The following TICAM1 variants were observed in gnomAD, a reference collection of about 807,000 sequenced individuals.
TICAM1 encodes the protein TIR domain containing adaptor molecule 1, also known as TIR domain-containing adapter molecule 1.
For missense variants in TICAM1, 895 were observed against 938.2 expected (o/e 0.95, Z 0.60); for synonymous variants, 439 against 415.4 (o/e 1.06, Z -0.69).
In TICAM1 at chr19:4,816,945, G is replaced by A. The variant is rs1377448921; in HGVS notation, c.1433C>T (p.Thr478Met). 3.7e-6 allele frequency: 6 copies of A among 1,614,024 alleles called. No individual in the cohort carries two copies. Among genetic ancestry groups the A allele is most frequent in the Non-Finnish European group, 5.1e-6 (6 of 1,180,040 alleles). Residue 478 changes from threonine to methionine, a missense_variant, in exon 2 of 2, where the codon ACG (threonine) becomes ATG (methionine). Coordinates refer to ENST00000248244, the MANE Select transcript of TICAM1 (RefSeq NM_182919.4). This position sits in a 1 kb window ranked among gnomAD's most constrained non-coding sequence, Gnocchi z 4.3. ...GACACAGTCTGGCGACCCCTGTCGC[G>A]TGAGGTTGCTCATCATGGCTTGGTT... is the stretch of plus-strand genomic sequence containing the variant. ...QVNQAMMSNL[T>M]RQGSPDCVIP...
At chr19:4,829,013 T>G (rs1489415776) in intron 1 of TICAM1, among the ~76,000 whole-genome samples, 1 of 152,100 alleles carries the variant, frequency 6.6e-6, no homozygotes, top group Non-Finnish European at 1.5e-5. Context: ...TTTTGTAATT[T>G]TAGTAGAGAC....
At position 4,818,486 on chromosome 19, in the gene TICAM1, T is replaced by C. The variant is rs2093591901; in HGVS notation, c.-109A>G. 6.9e-7 allele frequency: 1 copy of C among 1,444,678 alleles called. No homozygotes were observed. Among genetic ancestry groups the C allele is most frequent in the African/African-American group, 1.4e-5 (1 of 69,614 alleles). 89.5% of individuals were successfully genotyped at this position (1,444,678 alleles called of 1,614,324 possible). Reference sequence around the variant, plus strand: ...CCAGTGTCCCCTACCCATTCACTGTTCCAGGTTCTGCAGGAGCTGCCCAAG... The same window carrying C: ...CCAGTGTCCCCTACCCATTCACTGTCCCAGGTTCTGCAGGAGCTGCCCAAG... On this transcript the variant is annotated 5_prime_UTR_variant, in exon 2 of 2. Coordinates refer to ENST00000248244, the MANE Select transcript of TICAM1 (RefSeq NM_182919.4). The surrounding 1 kb of genome is among the most constrained non-coding windows in gnomAD (Gnocchi z 4.0).
intron 1 of TICAM1, among the ~76,000 whole-genome samples, chr19:4,827,749 C>T (rs932190995): frequency 2.8e-5 from 4 of 141,600 alleles, no homozygotes; most frequent in Admixed American, 2.2e-4. Flanking sequence ...CAGAGTGAGA[C>T]TCCATCTCAA....
chr19:4,816,780 A>G lies in TICAM1; in HGVS notation c.1598T>C (p.Leu533Pro). The G allele has an allele frequency of 1.2e-6, 2 of 1,613,562 alleles. No individual in the cohort carries two copies. Among genetic ancestry groups the G allele is most frequent in the Non-Finnish European group, 1.7e-6 (2 of 1,180,020 alleles). Residue 533 changes from leucine (L) to proline (P), a missense_variant, in exon 2 of 2, where the codon CTT (leucine) becomes CCT (proline). Physicochemically the swap from Leu to Pro is moderately conservative, Grantham distance 98. Coordinates refer to ENST00000248244, the MANE Select transcript of TICAM1 (RefSeq NM_182919.4). The surrounding 1 kb of genome is among the most constrained non-coding windows in gnomAD (Gnocchi z 4.3). ...CCTCCACATGGCCTTTCGGGCCTGAAGCCTGTGGGGCTTGAAGGTGTTGGC... is the reference window on the plus strand; with the variant it reads ...CCTCCACATGGCCTTTCGGGCCTGAGGCCTGTGGGGCTTGAAGGTGTTGGC... ...KVANTFKPHR[L>P]QARKAMWRKE...
intron 1 of TICAM1, among the ~76,000 whole-genome samples, chr19:4,822,858 G>A (rs1000946996): frequency 2.6e-5 from 4 of 152,144 alleles, no homozygotes; most frequent in African/African-American, 9.7e-5. Flanking sequence ...CTTTTAATTA[G>A]TATGGGGTAT....
intron 1 of TICAM1, among the ~76,000 whole-genome samples, chr19:4,830,624 C>T (rs2093612390): frequency 6.6e-6 from 1 of 152,196 alleles, no homozygotes; most frequent in Non-Finnish European, 1.5e-5. Flanking sequence ...TCTACCCTCA[C>T]AGAGCTCCCA....
chr19:4,821,722 G>A (rs955160603), intron 1 of TICAM1, among the ~76,000 whole-genome samples: 52 of 148,834 alleles, frequency 3.5e-4, no homozygotes, highest in Non-Finnish European at 4.7e-4. Context: ...TCGGCTCACC[G>A]CAACCTCCGC....
intron 1 of TICAM1, among the ~76,000 whole-genome samples, chr19:4,830,180 C>G (rs563332963): frequency 6.6e-6 from 1 of 150,806 alleles, no homozygotes; most frequent in African/African-American, 2.5e-5. Flanking sequence ...CTTGAACTCC[C>G]GGGTTCAAGT....
chr19:4,822,964 A>T (rs1374893724), intron 1 of TICAM1, among the ~76,000 whole-genome samples: 1 of 152,130 alleles, frequency 6.6e-6, no homozygotes, highest in Non-Finnish European at 1.5e-5. Flanking sequence ...TTTAGAGAAA[A>T]GGCCTTTTTT....
chr19:4,830,799 G>C (rs2093612592), intron 1 of TICAM1, among the ~76,000 whole-genome samples: 1 of 152,234 alleles, frequency 6.6e-6, no homozygotes, highest in Non-Finnish European at 1.5e-5. Flanking sequence ...TTTGGGGACA[G>C]GAGGTAACAT....
chr19:4,826,281 A>G (rs891904566), intron 1 of TICAM1, among the ~76,000 whole-genome samples: 1 of 149,982 alleles, frequency 6.7e-6, no homozygotes, highest in East Asian at 1.9e-4. Flanking sequence ...TACATATTGG[A>G]TTAATAAAAT....
intron 1 of TICAM1, among the ~76,000 whole-genome samples, chr19:4,828,956 C>G (rs2093609865): frequency 4.6e-5 from 7 of 151,988 alleles, no homozygotes. Context: ...CTGCCTTGGC[C>G]TCCAAAATTC....
intron 1 of TICAM1, among the ~76,000 whole-genome samples, chr19:4,820,295 C>T (rs1181469086): frequency 6.6e-6 from 1 of 151,346 alleles, no homozygotes; most frequent in Non-Finnish European, 1.5e-5. Context: ...TGGCAGGCGC[C>T]TGTAATCCCA....
chr19:4,820,982 A>T (rs1369091180), intron 1 of TICAM1, among the ~76,000 whole-genome samples: 2 of 150,270 alleles, frequency 1.3e-5, no homozygotes, highest in African/African-American at 2.5e-5. Context: ...ATTTGAGGTC[A>T]TGAGTTCAAG....
rs1480788600 is a variant in TICAM1, at chr19:4,817,860, G to A, written c.518C>T (p.Ser173Phe). Reference sequence around the variant, plus strand: ...GGGGCGTGGGAGGCTCCTGGTCCCAGAGGGCAAAGCCGAGGATGGTGGGAG... The same window carrying A: ...GGGGCGTGGGAGGCTCCTGGTCCCAAAGGGCAAAGCCGAGGATGGTGGGAG... ...GCLPPSSALPSGTRSLPRPID... is the reference protein window; with the variant it reads ...GCLPPSSALPFGTRSLPRPID... Residue 173 changes from serine to phenylalanine, a missense_variant, in exon 2 of 2, where the codon TCT becomes TTT. Ser to Phe is a radical substitution (Grantham distance 155). Transcript: ENST00000248244. The surrounding 1 kb of genome is among the most constrained non-coding windows in gnomAD (Gnocchi z 4.7). 6.2e-7 allele frequency: 1 copy of A among 1,612,950 alleles called. No homozygotes were observed. The highest frequency in any genetic ancestry group is 8.5e-7 in the Non-Finnish European group (1 of 1,179,714).
At chr19:4,827,208 G>T (rs1194734870) in intron 1 of TICAM1, among the ~76,000 whole-genome samples, 1 of 150,394 alleles carries the variant, frequency 6.6e-6, no homozygotes, top group African/African-American at 2.4e-5. Flanking sequence ...AAAATTAGCC[G>T]GGCATGGTGG....
chr19:4,817,669 T>C lies in TICAM1; in HGVS notation c.709A>G (p.Ser237Gly), dbSNP rs780633461. Residue 237 changes from serine (S) to glycine (G), a missense_variant, in exon 2 of 2, where the codon AGC becomes GGC. Physicochemically the swap from Ser to Gly is moderately conservative, Grantham distance 56. Coordinates refer to ENST00000248244, the MANE Select transcript of TICAM1 (RefSeq NM_182919.4). This position sits in a 1 kb window ranked among gnomAD's most constrained non-coding sequence, Gnocchi z 4.7. ...CCGGGGACAGGCTCGGGCACCAAGC[T>C]GGCCTGGGGGTCGTCACAGAGCTTG... is the stretch of plus-strand genomic sequence containing the variant. ...PSKLCDDPQA[S>G]LVPEPVPGGC... 1.9e-6 allele frequency: 3 copies of C among 1,583,068 alleles called. No homozygotes were observed. The South Asian group carries it at 3.5e-5, about 18-fold the overall frequency.
intron 1 of TICAM1, among the ~76,000 whole-genome samples, chr19:4,827,481 C>T (rs920272721): frequency 1.7e-4 from 23 of 133,102 alleles, no homozygotes; most frequent in Admixed American, 9.4e-4. Context: ...ATGGGCTGGG[C>T]GCGGTGGCTC....
Position 4,818,414 on chromosome 19 carries a change from G to A in TICAM1, c.-37C>T, listed in dbSNP as rs768287017. The A allele has an allele frequency of 9.1e-6, 14 of 1,540,626 alleles. No homozygotes were observed. The South Asian group carries it at 1.6e-4, about 18-fold the overall frequency. ...GGTGCAGCCTCCGGCAGCAGAAGCTGGAGGTGGTGAAGGCATGTTCCACAC... is the reference window on the plus strand; with the variant it reads ...GGTGCAGCCTCCGGCAGCAGAAGCTAGAGGTGGTGAAGGCATGTTCCACAC... On this transcript the variant is annotated 5_prime_UTR_variant, in exon 2 of 2. Coordinates refer to ENST00000248244, the MANE Select transcript of TICAM1 (RefSeq NM_182919.4). The surrounding 1 kb of genome is among the most constrained non-coding windows in gnomAD (Gnocchi z 4.0).
Sources: allele counts gnomAD v4.1 joint callset (sites outside exome capture counted in the v4.1 genomes callset), GRCh38; gene constraint gnomAD v4.1.1; non-coding constraint Gnocchi (gnomAD v3.1); transcripts MANE v1.5; gene names NCBI Gene and HGNC (gene_info 2026-07-23, HGNC 2026-07-21).